Variants in ITGBL1 observed in about 807,000 individuals in gnomAD.
The protein encoded by ITGBL1 is integrin subunit beta like 1.
Under a neutral mutation model 68.5 loss-of-function variants are expected in ITGBL1, and 51 were observed. The observed-to-expected ratio is 0.74, with a 90% CI of 0.59 to 0.94. The LOEUF is 0.94. Ranked by LOEUF, ITGBL1 falls within the 40% of genes least tolerant of loss-of-function variation. ITGBL1 has a pLI of 0.00. For missense variants in ITGBL1, 649 were observed against 647.4 expected (o/e 1.00, Z -0.03); for synonymous variants, 209 against 227.3 (o/e 0.92, Z 0.72).
intron 7 of ITGBL1, among the ~76,000 whole-genome samples, chr13:101,617,214 A>T (rs2031400178): frequency 6.6e-6 from 1 of 152,146 alleles, no homozygotes; most frequent in South Asian, 2.1e-4. Context: ...GTACCTTGTG[A>T]TATCCAGTTT....
chr13:101,481,003 T>C (rs1199671074), intron 2 of ITGBL1, among the ~76,000 whole-genome samples: 4 of 41,730 alleles, frequency 9.6e-5, no homozygotes, highest in Non-Finnish European at 1.8e-4. Context: ...CCAAAAGATA[T>C]GTGTGTGTGT....
intron 8 of ITGBL1, among the ~76,000 whole-genome samples, chr13:101,705,724 C>T (rs1455227158): frequency 6.6e-6 from 1 of 152,174 alleles, no homozygotes; most frequent in Non-Finnish European, 1.5e-5. Context: ...GCAAGGTTCA[C>T]TCCTGAGGGT....
At chr13:101,554,914 A>G (rs1243483697) in intron 2 of ITGBL1, among the ~76,000 whole-genome samples, 1 of 152,328 alleles carries the variant, frequency 6.6e-6, no homozygotes, top group South Asian at 2.1e-4. Context: ...TGCAAAGATT[A>G]GTATTACTCT....
At position 101,475,896 on chromosome 13, in the gene ITGBL1, A is replaced by G. The variant is rs192089773; in HGVS notation, c.316+21796A>G. Among the ~76,000 whole-genome samples the G allele has an allele frequency of 8.3e-3, 1,258 of 152,320 alleles. 4 individuals are homozygous for G. Among genetic ancestry groups the G allele is most frequent in the Non-Finnish European group, 0.013 (884 of 68,024 alleles). On this transcript the variant is annotated intron_variant, in intron 2 of 10. Coordinates refer to ENST00000376180, the MANE Select transcript of ITGBL1 (RefSeq NM_004791.3). ...CATAAAGAAGCAACAAAACTTTCCC[A>G]GATAAACAAAAGCTTAGGATTTCAT...
intron 2 of ITGBL1, among the ~76,000 whole-genome samples, chr13:101,547,358 CCTT>C (rs2049844295): frequency 6.6e-6 from 1 of 151,604 alleles, no homozygotes; most frequent in African/African-American, 2.4e-5. Context: ...TTTAATTAGT[CCTT>C]CTCCTTTTCT....
chr13:101,640,428 C>T (rs1338022362), intron 7 of ITGBL1, among the ~76,000 whole-genome samples: 1 of 152,100 alleles, frequency 6.6e-6, no homozygotes, highest in Non-Finnish European at 1.5e-5. Context: ...TTACACCAGG[C>T]ACTCTCTTGA....
chr13:101,626,877 G>A (rs969930212), intron 7 of ITGBL1, among the ~76,000 whole-genome samples: 3 of 152,090 alleles, frequency 2.0e-5, no homozygotes, highest in African/African-American at 7.2e-5. Flanking sequence ...CTAATTAAAT[G>A]TTTTCCAAAT....
chr13:101,606,916 A>G (rs534845288), intron 7 of ITGBL1, among the ~76,000 whole-genome samples: 2 of 152,056 alleles, frequency 1.3e-5, no homozygotes, highest in Non-Finnish European at 2.9e-5. Context: ...TGGTTAAGCC[A>G]AGATAAACAA....
At chr13:101,656,049 CGAGGTGGGG>C (rs2032911410) in intron 7 of ITGBL1, among the ~76,000 whole-genome samples, 1 of 151,812 alleles carries the variant, frequency 6.6e-6, no homozygotes, top group Admixed American at 6.6e-5. Context: ...CAACTCAAAA[CGAGGTGGGG>C]GAGGGGGGCT....
At chr13:101,687,691 G>C (rs2033786678) in intron 7 of ITGBL1, among the ~76,000 whole-genome samples, 1 of 152,048 alleles carries the variant, frequency 6.6e-6, no homozygotes, top group Non-Finnish European at 1.5e-5. Context: ...TGTGCCTAAA[G>C]ATTATCTACT....
At chr13:101,542,262 T>G (rs2049721177) in intron 2 of ITGBL1, among the ~76,000 whole-genome samples, 1 of 152,224 alleles carries the variant, frequency 6.6e-6, no homozygotes, top group Non-Finnish European at 1.5e-5. Flanking sequence ...TGTGTCTTTG[T>G]TCTCATTGGT....
chr13:101,479,654 C>A (rs1242051246), intron 2 of ITGBL1, among the ~76,000 whole-genome samples: 1 of 151,872 alleles, frequency 6.6e-6, no homozygotes. Context: ...GGCCAAAGAT[C>A]TGAATGGATA....
chr13:101,586,868 A>G (rs1188539326), intron 6 of ITGBL1, among the ~76,000 whole-genome samples: 1 of 152,172 alleles, frequency 6.6e-6, no homozygotes, highest in Non-Finnish European at 1.5e-5. Flanking sequence ...ATTAGTCTTT[A>G]AATTTTTCCT....
intron 2 of ITGBL1, among the ~76,000 whole-genome samples, chr13:101,522,187 C>T (rs947825844): frequency 6.6e-6 from 1 of 152,112 alleles, no homozygotes; most frequent in Non-Finnish European, 1.5e-5. Context: ...TCTCTACTTA[C>T]AGTCACATGG....
intron 7 of ITGBL1, among the ~76,000 whole-genome samples, chr13:101,604,883 T>TACACACACACACACACACACAC (rs1444965646): frequency 3.5e-3 from 45 of 12,960 alleles, no homozygotes; most frequent in East Asian, 0.018. Context: ...TATATATATA[T>TACACACACACACACACACACAC]ATATACACAC....
Position 101,583,236 on chromosome 13 carries a change from T to C in ITGBL1, c.748T>C (p.Cys250Arg). The C allele has an allele frequency of 6.2e-7, 1 of 1,613,892 alleles. No individual in the cohort carries two copies. Among genetic ancestry groups the C allele is most frequent in the East Asian group, 2.2e-5 (1 of 44,862 alleles). Residue 250 changes from cysteine (C) to arginine (R), a missense_variant, in exon 6 of 11, where the codon TGT becomes CGT. Physicochemically the swap from Cys to Arg is radical, Grantham distance 180. Transcript: ENST00000376180. The stretch of plus-strand genomic sequence containing the variant: ...CCTAGGGACTTGTGTATGTGGTGAA[T>C]GTACCTGTCACGATGTTGATCCGAC... ...SNRGTCVCGECTCHDVDPTGD... is the reference protein window; with the variant it reads ...SNRGTCVCGERTCHDVDPTGD...
intron 2 of ITGBL1, among the ~76,000 whole-genome samples, chr13:101,470,568 G>T (rs2048443568): frequency 6.6e-6 from 1 of 151,960 alleles, no homozygotes; most frequent in Non-Finnish European, 1.5e-5. Context: ...TTACCCTCTG[G>T]GTGTATAGTT....
intron 2 of ITGBL1, among the ~76,000 whole-genome samples, chr13:101,561,119 T>C (rs867627623): frequency 6.6e-6 from 1 of 152,122 alleles, no homozygotes; most frequent in Middle Eastern, 3.2e-3. Context: ...AATTAGGTGC[T>C]GAGAAGGGTG....
At chr13:101,710,357 G>T (rs2034402444) in intron 9 of ITGBL1, among the ~76,000 whole-genome samples, 2 of 152,120 alleles carry the variant, frequency 1.3e-5, no homozygotes, top group African/African-American at 4.8e-5. Flanking sequence ...GACGAAAGGG[G>T]ATAAAACCAG....
Sources: gnomAD v4.1 joint callset for allele counts (sites outside exome capture counted in the v4.1 genomes callset) on GRCh38, gnomAD v4.1.1 for gene constraint, MANE v1.5 for transcripts, NCBI Gene and HGNC (gene_info 2026-07-23, HGNC 2026-07-21) for gene names.